Variants in SH3RF2 observed in about 807,000 individuals in gnomAD.
SH3RF2 encodes SH3 domain containing ring finger 2.
A neutral mutation model predicts 59.0 loss-of-function variants in SH3RF2; 43 were observed. The ratio of observed to expected loss-of-function variants is 0.73; its 90% CI spans 0.57 to 0.94. SH3RF2 has a LOEUF of 0.94. Among genes scored for constraint, SH3RF2 ranks in the 40% least tolerant of loss-of-function variants. The pLI is 0.00. For missense variants in SH3RF2, 930 were observed against 940.1 expected (o/e 0.99, Z 0.14); for synonymous variants, 391 against 391.5 (o/e 1.00, Z 0.01).
intron 8 of SH3RF2, 27 bp downstream of exon 8, chr5:146,056,240 C>T: frequency 6.2e-7 from 1 of 1,613,796 alleles, no homozygotes; most frequent in Admixed American, 1.7e-5. Flanking sequence ...AGGTACGTGC[C>T]TAGAGCTAAG....
chr5:146,067,656 G>A (rs1442148733), downstream of SH3RF2, among the ~76,000 whole-genome samples: 1 of 152,202 alleles, frequency 6.6e-6, no homozygotes, highest in Middle Eastern at 3.2e-3. Context: ...TTCTCATACG[G>A]CATGGCAGAG....
At chr5:146,029,647 C>T (rs1208570108) in intron 5 of SH3RF2, among the ~76,000 whole-genome samples, 1 of 152,146 alleles carries the variant, frequency 6.6e-6, no homozygotes, top group Admixed American at 6.5e-5. Context: ...AGGCCTTCTT[C>T]CTAAGGAAGA....
intron 3 of SH3RF2, among the ~76,000 whole-genome samples, chr5:146,002,513 G>GAAGGAAGGAAGA (rs1386503353): frequency 1.1e-4 from 16 of 150,746 alleles, no homozygotes; most frequent in African/African-American, 3.9e-4. Flanking sequence ...AGGAAGGAAG[G>GAAGGAAGGAAGA]AAGGAAGGAA....
In SH3RF2 at chr5:146,073,262, TCAC is replaced by T. The variant is rs138122788; in HGVS notation, c.*34-5193_*34-5191del. Among the ~76,000 whole-genome samples, 92 of 152,354 alleles carry T rather than the reference TCAC, an allele frequency of 6.0e-4. 1 individual carries two copies. Among genetic ancestry groups the T allele is most frequent in the Middle Eastern group, 3.4e-3 (1 of 294 alleles). ...TTCTCATCTGGTGGTCCCCACGGCCTCACCACCTCATCTGCTGAAGGTTTCAGA... is the reference window on the plus strand; with the variant it reads ...TTCTCATCTGGTGGTCCCCACGGCCTCACCTCATCTGCTGAAGGTTTCAGA... On this transcript the variant is annotated intron_variant, in intron 9 of 9. Coordinates refer to the SH3RF2 transcript ENST00000511217.
intron 8 of SH3RF2, among the ~76,000 whole-genome samples, chr5:146,058,477 G>A (rs956843451): frequency 6.6e-6 from 1 of 150,524 alleles, no homozygotes; most frequent in Non-Finnish European, 1.5e-5. Context: ...GCTTGCAGCA[G>A]CTGAGGACAC....
At chr5:145,939,233 G>C (rs568513322) in intron 2 of SH3RF2, among the ~76,000 whole-genome samples, 1 of 152,240 alleles carries the variant, frequency 6.6e-6, no homozygotes, top group Non-Finnish European at 1.5e-5. Context: ...GACACGGAAA[G>C]CTGTGGCTTG....
At chr5:146,010,486 G>C (rs142539575) in intron 4 of SH3RF2, among the ~76,000 whole-genome samples, 12,116 of 152,204 alleles carry the variant, frequency 0.08, 1,621 homozygotes, top group African/African-American at 0.27. Flanking sequence ...CTAGTTTACA[G>C]TCCCAACAAC....
At chr5:145,995,883 AG>A (rs1342967852) in intron 2 of SH3RF2, among the ~76,000 whole-genome samples, 1 of 152,256 alleles carries the variant, frequency 6.6e-6, no homozygotes, top group African/African-American at 2.4e-5. Flanking sequence ...TATTAATTAT[AG>A]AAAAACATCA....
chr5:145,986,346 G>C (rs1759704774), intron 2 of SH3RF2, among the ~76,000 whole-genome samples: 2 of 152,248 alleles, frequency 1.3e-5, no homozygotes, highest in Admixed American at 6.5e-5. Context: ...AGGGTTGTTT[G>C]ACTCATTTTT....
At chr5:145,988,199 T>A (rs1038804037) in intron 2 of SH3RF2, among the ~76,000 whole-genome samples, 2 of 152,072 alleles carry the variant, frequency 1.3e-5, no homozygotes, top group African/African-American at 4.8e-5. Context: ...TGTGATGACA[T>A]TTACCATCTC....
chr5:146,002,219 G>T (rs1014209173), intron 3 of SH3RF2, among the ~76,000 whole-genome samples: 1 of 152,146 alleles, frequency 6.6e-6, no homozygotes, highest in Non-Finnish European at 1.5e-5. Flanking sequence ...GGGAGACCGC[G>T]GCAGGCGGAT....
intron 4 of SH3RF2, among the ~76,000 whole-genome samples, chr5:146,010,035 C>T (rs1023016764): frequency 1.3e-5 from 2 of 152,128 alleles, no homozygotes; most frequent in African/African-American, 4.8e-5. Context: ...CCACTCCCCC[C>T]ACCCCACGAC....
chr5:145,960,186 G>A (rs1014741542), intron 2 of SH3RF2, among the ~76,000 whole-genome samples: 1 of 152,178 alleles, frequency 6.6e-6, no homozygotes, highest in Admixed American at 6.5e-5. Context: ...CTGAGTAGCT[G>A]AGACTATAGG....
At chr5:146,026,307 T>G (rs2024058) in intron 5 of SH3RF2, among the ~76,000 whole-genome samples, 43,826 of 151,872 alleles carry the variant, frequency 0.29, 7,664 homozygotes, top group Non-Finnish European at 0.38. Context: ...GGCAGTAACC[T>G]TTATTTGCAC....
intron 5 of SH3RF2, among the ~76,000 whole-genome samples, chr5:146,044,078 G>A (rs1762216009): frequency 6.6e-6 from 1 of 152,048 alleles, no homozygotes; most frequent in African/African-American, 2.4e-5. Flanking sequence ...CCATTGGAAG[G>A]GTATGAGAGT....
chr5:146,062,536 G>T lies in SH3RF2; in HGVS notation c.2025G>T (p.Gln675His), dbSNP rs1388107208. The change falls in exon 10 of 10, where the codon CAG (glutamine) becomes CAT (histidine). Residue 675 changes from glutamine (Q) to histidine (H), a missense_variant. Coordinates refer to ENST00000359120, the MANE Select transcript of SH3RF2 (RefSeq NM_152550.4). ...PEQPATLKAS[Q>H]PEAASLGPEM... is the part of the protein sequence containing the mutation. ...AGCCAGCCACCCTCAAGGCGTCCCA[G>T]CCTGAAGCAGCGTCCTTGGGCCCAG... The T allele has an allele frequency of 6.2e-7, 1 of 1,614,162 alleles. No individual in the cohort carries two copies. The highest frequency in any genetic ancestry group is 2.2e-5 in the East Asian group (1 of 44,870).
intron 4 of SH3RF2, among the ~76,000 whole-genome samples, chr5:146,012,811 C>T (rs138336674): frequency 2.5e-4 from 38 of 152,098 alleles, no homozygotes; most frequent in Middle Eastern, 3.4e-3. Context: ...TGGACCTATA[C>T]GGTGGGGAAG....
In SH3RF2 at chr5:146,056,177, G is replaced by A. The variant is rs771956286; in HGVS notation, c.1519G>A (p.Gly507Arg). The change falls in exon 8 of 10, where the codon GGG (glycine) becomes AGG (arginine). Residue 507 changes from glycine to arginine, a missense_variant. By Grantham distance (125) the Gly-to-Arg change is moderately radical. Transcript: ENST00000359120. Reference protein sequence around the residue: ...STAGPGTLGQGSLRKGRSSMR... With the variant: ...STAGPGTLGQRSLRKGRSSMR... ...AGCCGGCCCTGGGACTTTAGGACAA[G>A]GGTCTCTTCGGAAAGGGCGGAGCAG... The A allele has an allele frequency of 3.1e-6, 5 of 1,614,220 alleles. No homozygotes were observed. The highest frequency in any genetic ancestry group is 3.4e-6 in the Non-Finnish European group (4 of 1,180,048).
intron 2 of SH3RF2, among the ~76,000 whole-genome samples, chr5:145,987,905 C>T (rs185549451): frequency 1.5e-4 from 23 of 152,164 alleles, no homozygotes; most frequent in Non-Finnish European, 2.4e-4. Flanking sequence ...TCACATTAAT[C>T]GTCTCCAAAA....
Sources: allele counts gnomAD v4.1 joint callset (sites outside exome capture counted in the v4.1 genomes callset), GRCh38; gene constraint gnomAD v4.1.1; transcripts MANE v1.5; gene names NCBI Gene and HGNC (gene_info 2026-07-23, HGNC 2026-07-21).